RAB27B: variants seen among roughly 807,000 people sequenced by gnomAD.
RAB27B encodes RAB27B, member RAS oncogene family.
In RAB27B, 15 loss-of-function variants were observed where a neutral mutation model predicts 24.6. That is an observed-to-expected ratio of 0.61 (90% CI 0.41 to 0.94). The LOEUF is 0.94. RAB27B is among the 40% of genes least tolerant of loss of function. The pLI is 0.00. For missense variants in RAB27B, 261 were observed against 266.8 expected, an observed-to-expected ratio of 0.98 and a Z score of 0.15; for synonymous variants, 105 against 92.5, an observed-to-expected ratio of 1.14 and a Z score of -0.78.
Position 54,828,660 on chromosome 18 carries a change from A to G in RAB27B, c.-60A>G, listed in dbSNP as rs1910559472. The stretch of plus-strand genomic sequence containing the variant: ...GGAAGGGGAAGGAAACCTCTCTGAA[A>G]TCTGACACCTGCTCTCCCGGCAAGG... On this transcript the variant is annotated 5_prime_UTR_variant, in exon 1 of 6. Transcript: ENST00000262094. 6.6e-6 allele frequency: 1 copy of G among 152,278 alleles called. No individual in the cohort carries two copies. Among genetic ancestry groups the G allele is most frequent in the Non-Finnish European group, 1.5e-5 (1 of 68,110 alleles). 9.4% of individuals were successfully genotyped at this position (152,278 alleles called of 1,614,324 possible). A position where few individuals can be genotyped will look rare whatever the true frequency, so the allele number is the denominator to read the frequency against.
chr18:54,854,232 CA>C (rs760302671), intron 1 of RAB27B, among the ~76,000 whole-genome samples: 4 of 152,128 alleles, frequency 2.6e-5, no homozygotes, highest in Non-Finnish European at 4.4e-5. Context: ...CAGCCAGGAA[CA>C]AAATTGTCAG....
intron 1 of RAB27B, among the ~76,000 whole-genome samples, chr18:54,853,582 T>C (rs781210657): frequency 6.6e-6 from 1 of 152,184 alleles, no homozygotes; most frequent in Admixed American, 6.5e-5. Context: ...AAAGGAGAAA[T>C]GGAAACTAGG....
At chr18:54,806,983 T>G (rs1364969881) in intron 2 of RAB27B, among the ~76,000 whole-genome samples, 1 of 152,200 alleles carries the variant, frequency 6.6e-6, no homozygotes, top group Non-Finnish European at 1.5e-5. Context: ...CTTGGCTCAC[T>G]GCAACCAGGA....
chr18:54,736,136 C>CT (rs756196773), intron 2 of RAB27B, among the ~76,000 whole-genome samples: 12 of 152,216 alleles, frequency 7.9e-5, no homozygotes, highest in Non-Finnish European at 1.5e-4. Flanking sequence ...TCTGATAAAA[C>CT]TGAGTAGGGT....
At chr18:54,784,193 C>T (rs1203202404) in intron 2 of RAB27B, among the ~76,000 whole-genome samples, 4 of 152,288 alleles carry the variant, frequency 2.6e-5, no homozygotes, top group African/African-American at 4.8e-5. Context: ...AGGCTGCTTC[C>T]GATCCCCAGT....
At chr18:54,844,018 G>T (rs957892511) in intron 1 of RAB27B, among the ~76,000 whole-genome samples, 4 of 152,182 alleles carry the variant, frequency 2.6e-5, no homozygotes, top group African/African-American at 9.7e-5. Context: ...TGGCTGCAGG[G>T]AGGAGGAGAA....
chr18:54,822,916 C>G (rs1404109454), intron 2 of RAB27B, among the ~76,000 whole-genome samples: 1 of 152,106 alleles, frequency 6.6e-6, no homozygotes. Context: ...GTTCCTCTAA[C>G]ATAAGAAGAA....
At chr18:54,822,703 TTAAC>T (rs1390197630) in intron 2 of RAB27B, among the ~76,000 whole-genome samples, 1 of 152,232 alleles carries the variant, frequency 6.6e-6, no homozygotes, top group African/African-American at 2.4e-5. Flanking sequence ...TTTCTTCTCT[TTAAC>T]TAGTTTTTAA....
At chr18:54,865,552 T>C (rs1338814493) in intron 1 of RAB27B, among the ~76,000 whole-genome samples, 1 of 152,178 alleles carries the variant, frequency 6.6e-6, no homozygotes, top group Non-Finnish European at 1.5e-5. Flanking sequence ...AGCTGTAAAT[T>C]GGACAAGGAG....
rs1913368949 is a variant in RAB27B at position 54,891,497 on chromosome 18, A to G, written c.*2084A>G. ...TGTTTCTTCTGGAAGGAAAGTGAGC[A>G]GGAACAAGTTATATTGCCACTGCTG... On this transcript the variant is annotated 3_prime_UTR_variant, in exon 6 of 6. Transcript: ENST00000262094. 6.6e-6 allele frequency: 1 copy of G among 152,148 alleles called. No homozygotes were observed. Among genetic ancestry groups the G allele is most frequent in the African/African-American group, 2.4e-5 (1 of 41,446 alleles). 9.4% of individuals were successfully genotyped at this position (152,148 alleles called of 1,614,324 possible).
In RAB27B at chr18:54,887,985, T is replaced by C; in HGVS notation, c.344-10T>C. The C allele has an allele frequency of 6.2e-7, 1 of 1,608,498 alleles. No individual in the cohort carries two copies. Among genetic ancestry groups the C allele is most frequent in the Non-Finnish European group, 8.5e-7 (1 of 1,176,992 alleles). ...AATAACTTGCTGGTTCCATCTGCTT[T>C]CTTTTCAAGGCCAACTGCAAGCAAA... On this transcript the variant is annotated splice_polypyrimidine_tract_variant and intron_variant, in intron 4 of 5. Transcript: ENST00000262094.
At chr18:54,862,676 T>C (rs933215890) in intron 1 of RAB27B, among the ~76,000 whole-genome samples, 1 of 152,228 alleles carries the variant, frequency 6.6e-6, no homozygotes, top group Non-Finnish European at 1.5e-5. Context: ...CGAGTTGGTA[T>C]TTGTAAACTT....
intron 2 of RAB27B, among the ~76,000 whole-genome samples, chr18:54,814,350 G>A (rs1002762214): frequency 2.0e-5 from 3 of 152,154 alleles, no homozygotes; most frequent in Non-Finnish European, 4.4e-5. Flanking sequence ...ACATAAATTA[G>A]TATTTGTTTG....
At chr18:54,779,914 C>A (rs555741326) in intron 2 of RAB27B, among the ~76,000 whole-genome samples, 1 of 151,162 alleles carries the variant, frequency 6.6e-6, no homozygotes, top group Non-Finnish European at 1.5e-5. Flanking sequence ...CCCTCTCTAC[C>A]GTCTCCTGAC....
chr18:54,800,730 A>G (rs1909574348), intron 2 of RAB27B, among the ~76,000 whole-genome samples: 1 of 152,208 alleles, frequency 6.6e-6, no homozygotes, highest in Non-Finnish European at 1.5e-5. Context: ...CACCAAGAAT[A>G]TGATGCTGTA....
chr18:54,879,306 C>T, intron 2 of RAB27B, 63 bp from the exon 3 acceptor site: 6 of 1,271,718 alleles, frequency 4.7e-6, no homozygotes, highest in Non-Finnish European at 6.9e-6. Context: ...TGAGTGAACC[C>T]AAAGAATTTG....
rs778093159 is a variant in RAB27B at position 54,730,034 on chromosome 18, A to G, written c.-20+11893A>G. ...TGATAATTTGGGTTTTTTTAGGTAA[A>G]CTCATGCTCACCAGTTTACTTAATA... On this transcript the variant is annotated intron_variant, in intron 2 of 4. Transcript: ENST00000586570. Among the ~76,000 whole-genome samples, 4 of 152,222 alleles carry G rather than the reference A, an allele frequency of 2.6e-5. No homozygotes were observed. In the South Asian group the frequency reaches 8.3e-4, roughly 32 times the overall value.
At chr18:54,877,417 A>C (rs1399835802) in intron 1 of RAB27B, 150 bp from the exon 2 acceptor site, 1 of 565,844 alleles carries the variant, frequency 1.8e-6, no homozygotes, top group Non-Finnish European at 2.8e-6. Flanking sequence ...TTCACCCCTA[A>C]AGCTGCTTTG....
At chr18:54,806,237 C>G (rs1424788704) in intron 2 of RAB27B, among the ~76,000 whole-genome samples, 8 of 152,052 alleles carry the variant, frequency 5.3e-5, no homozygotes, top group African/African-American at 1.9e-4. Context: ...TGGTCAAGGA[C>G]TGGAAACTGG....
Sources: gnomAD v4.1 joint callset for allele counts (sites outside exome capture counted in the v4.1 genomes callset) on GRCh38, gnomAD v4.1.1 for gene constraint, MANE v1.5 for transcripts, NCBI Gene and HGNC (gene_info 2026-07-23, HGNC 2026-07-21) for gene names.